PLEKHG1: variants seen among roughly 807,000 people sequenced by gnomAD.
PLEKHG1 encodes the protein pleckstrin homology domain-containing family G member 1.
In PLEKHG1, 44 loss-of-function variants were observed where a neutral mutation model predicts 100.8. That is an observed-to-expected ratio of 0.44 (90% CI 0.34 to 0.56). PLEKHG1 has a LOEUF of 0.56. Among genes scored for constraint, PLEKHG1 ranks in the 20% least tolerant of loss-of-function variants. The pLI is 0.01. For synonymous variants in PLEKHG1, 640 were observed against 662.5 expected, an observed-to-expected ratio of 0.97 and a Z score of 0.52; for missense variants, 1,545 against 1,720.9, an observed-to-expected ratio of 0.90 and a Z score of 1.81.
chr6:150,827,438 C>T (rs1331149154), intron 14 of PLEKHG1, among the ~76,000 whole-genome samples: 4 of 151,984 alleles, frequency 2.6e-5, no homozygotes, highest in Admixed American at 6.6e-5. Flanking sequence ...TCACCATGCC[C>T]GGCTAATTTT....
intron 1 of PLEKHG1, among the ~76,000 whole-genome samples, chr6:150,625,280 G>T (rs1463815042): frequency 6.6e-6 from 1 of 152,168 alleles, no homozygotes; most frequent in African/African-American, 2.4e-5. Context: ...AGTTCTGGAG[G>T]CTGGAATTCC....
intron 4 of PLEKHG1, among the ~76,000 whole-genome samples, chr6:150,795,316 G>A (rs907688458): frequency 7.2e-5 from 11 of 152,000 alleles, no homozygotes; most frequent in African/African-American, 2.4e-4. Context: ...CTTGAACCGG[G>A]GAGGCAGAGG....
At chr6:150,605,525 C>T (rs921131691) in intron 1 of PLEKHG1, 5 of 152,126 alleles carry the variant, frequency 3.3e-5, no homozygotes, top group African/African-American at 9.7e-5. Flanking sequence ...CATTCCAGAG[C>T]GTTTATTGAG....
chr6:150,737,703 T>C (rs1782643893), intron 2 of PLEKHG1, among the ~76,000 whole-genome samples: 1 of 152,228 alleles, frequency 6.6e-6, no homozygotes, highest in African/African-American at 2.4e-5. Flanking sequence ...TTCTCCATTT[T>C]TCAAATGCAA....
chr6:150,770,132 G>T (rs1030103045), intron 3 of PLEKHG1, among the ~76,000 whole-genome samples: 10 of 152,128 alleles, frequency 6.6e-5, no homozygotes, highest in African/African-American at 2.4e-4. Context: ...ATAAGCCTAC[G>T]ATGCTCTTGA....
intron 14 of PLEKHG1, among the ~76,000 whole-genome samples, chr6:150,829,883 C>T (rs553842819): frequency 2.0e-5 from 3 of 152,032 alleles, no homozygotes; most frequent in Non-Finnish European, 2.9e-5. Flanking sequence ...AGGGGCTTTT[C>T]GTATACCAGA....
intron 10 of PLEKHG1, among the ~76,000 whole-genome samples, chr6:150,810,380 A>T (rs955913275): frequency 6.6e-6 from 1 of 150,822 alleles, no homozygotes; most frequent in Admixed American, 6.6e-5. Context: ...TGCCTCAGCC[A>T]CCCGAGTAGC....
intron 15 of PLEKHG1, among the ~76,000 whole-genome samples, 200 bp downstream of exon 16, chr6:150,832,405 G>A (rs1051599482): frequency 2.0e-5 from 3 of 152,178 alleles, no homozygotes; most frequent in Non-Finnish European, 4.4e-5. Flanking sequence ...GCATGATTTG[G>A]CCTCAGAGGG....
At chr6:150,696,911 C>T (rs946657484) in intron 3 of PLEKHG1, among the ~76,000 whole-genome samples, 1 of 152,046 alleles carries the variant, frequency 6.6e-6, no homozygotes, top group African/African-American at 2.4e-5. Flanking sequence ...AGTTCAAGAC[C>T]AGCCTGGCCA....
rs534413940 is a variant in PLEKHG1, at chr6:150,762,330, C to T, written c.412-6308C>T. Reference sequence around the variant, plus strand: ...TCAGCTTCCCAAGTAGCTGGGATTACAGGTGCCCGCCACCAAGCCCGGCTA... The same window carrying T: ...TCAGCTTCCCAAGTAGCTGGGATTATAGGTGCCCGCCACCAAGCCCGGCTA... On this transcript the variant is annotated intron_variant, in intron 2 of 15. Coordinates refer to ENST00000358517, the Ensembl canonical transcript of PLEKHG1. Among the ~76,000 whole-genome samples the T allele has an allele frequency of 2.0e-4, 31 of 151,540 alleles. No individual in the cohort carries two copies. The South Asian group carries it at 6.3e-3, about 31-fold the overall frequency.
At chr6:150,784,918 C>T (rs935474908) in intron 3 of PLEKHG1, among the ~76,000 whole-genome samples, 1 of 151,602 alleles carries the variant, frequency 6.6e-6, no homozygotes, top group African/African-American at 2.4e-5. Flanking sequence ...AATTACATAA[C>T]AGAACTAGTT....
intron 12 of PLEKHG1, among the ~76,000 whole-genome samples, chr6:150,820,140 C>T (rs568712399): frequency 1.3e-5 from 2 of 151,608 alleles, no homozygotes; most frequent in South Asian, 4.2e-4. Context: ...ACCCAGGAGA[C>T]GGAGGTTGCA....
intron 13 of PLEKHG1, among the ~76,000 whole-genome samples, chr6:150,822,099 C>CTTT (rs1776334229): frequency 2.1e-5 from 3 of 144,826 alleles, no homozygotes; most frequent in African/African-American, 7.7e-5. Flanking sequence ...CCTTGGCCTC[C>CTTT]CAAAGTGCTG....
intron 1 of PLEKHG1, among the ~76,000 whole-genome samples, chr6:150,609,436 G>C (rs1776731356): frequency 6.6e-6 from 1 of 152,208 alleles, no homozygotes; most frequent in Non-Finnish European, 1.5e-5. Flanking sequence ...CTGGGGAAGA[G>C]AGTTAAGTAG....
At chr6:150,795,078 T>C (rs1786236837) in intron 4 of PLEKHG1, among the ~76,000 whole-genome samples, 1 of 152,038 alleles carries the variant, frequency 6.6e-6, no homozygotes, top group Admixed American at 6.6e-5. Context: ...CAAAATAATC[T>C]GTGGCTCTTT....
intron 4 of PLEKHG1, among the ~76,000 whole-genome samples, chr6:150,793,781 G>A (rs1262662566): frequency 1.3e-5 from 2 of 152,074 alleles, no homozygotes; most frequent in African/African-American, 2.4e-5. Context: ...TAATGGACAG[G>A]GCATATTAAA....
At chr6:150,612,045 T>TTCCC (rs1491263507) in intron 1 of PLEKHG1, among the ~76,000 whole-genome samples, 11 of 77,182 alleles carry the variant, frequency 1.4e-4, no homozygotes, top group South Asian at 5.9e-4. Flanking sequence ...CTGGTGTTGT[T>TTCCC]CCCCCCCCCC....
chr6:150,742,843 G>T (rs529372487), intron 2 of PLEKHG1, among the ~76,000 whole-genome samples: 2 of 152,166 alleles, frequency 1.3e-5, no homozygotes, highest in Non-Finnish European at 2.9e-5. Context: ...GTGTTCAGGT[G>T]AGGAGGAGCA....
chr6:150,736,659 C>T (rs1782577496), intron 2 of PLEKHG1, among the ~76,000 whole-genome samples: 1 of 152,076 alleles, frequency 6.6e-6, no homozygotes, highest in Non-Finnish European at 1.5e-5. Flanking sequence ...ATCCCAGCTA[C>T]TTGGGAGGCT....
Sources: allele counts gnomAD v4.1 joint callset (sites outside exome capture counted in the v4.1 genomes callset), GRCh38; gene constraint gnomAD v4.1.1; transcripts MANE v1.5; gene names NCBI Gene and HGNC (gene_info 2026-07-23, HGNC 2026-07-21).